Variants in DPP6 observed in about 807,000 individuals in gnomAD.
DPP6 encodes dipeptidyl peptidase like 6, also known as A-type potassium channel modulatory protein DPP6.
In DPP6, 69 loss-of-function variants were observed where a neutral mutation model predicts 122.6. The observed-to-expected ratio is 0.56, with a 90% CI of 0.46 to 0.69. The LOEUF (loss-of-function observed/expected upper bound fraction) is 0.69. DPP6 is among the 30% of genes least tolerant of loss of function. DPP6 has a pLI of 0.00. For missense variants in DPP6, 928 were observed against 1,116.9 expected (o/e 0.83, Z 2.41); for synonymous variants, 418 against 433.1 (o/e 0.97, Z 0.43).
the DPP6 span, among the ~76,000 whole-genome samples, chr7:153,755,873 T>TC: frequency 6.6e-6 from 1 of 152,154 alleles, no homozygotes; most frequent in Admixed American, 6.5e-5. Flanking sequence ...AAGCCCTCCC[T>TC]CTAAATGATT....
chr7:153,918,636 G>A (rs1380900872), intron 1 of DPP6, among the ~76,000 whole-genome samples: 1 of 139,136 alleles, frequency 7.2e-6, no homozygotes, highest in Admixed American at 7.5e-5. Flanking sequence ...CTCACTACTG[G>A]TGATATCATC....
intron 1 of DPP6, among the ~76,000 whole-genome samples, chr7:154,164,349 A>G (rs1034039043): frequency 6.6e-6 from 1 of 151,854 alleles, no homozygotes; most frequent in African/African-American, 2.4e-5. Flanking sequence ...AACAGTGCCA[A>G]AAGAGCCAGC....
At chr7:154,042,178 G>T (rs1467132762) in intron 1 of DPP6, among the ~76,000 whole-genome samples, 4 of 152,148 alleles carry the variant, frequency 2.6e-5, no homozygotes, top group African/African-American at 9.7e-5. Context: ...TCCCTCCTCT[G>T]ACCACTCTCT....
chr7:153,926,084 A>G (rs1196897470), intron 1 of DPP6, among the ~76,000 whole-genome samples: 4 of 152,112 alleles, frequency 2.6e-5, no homozygotes, highest in Non-Finnish European at 5.9e-5. Flanking sequence ...GAACTCAGAG[A>G]TCTGTTCATT....
At chr7:154,519,980 C>A (rs923199303) in intron 3 of DPP6, among the ~76,000 whole-genome samples, 3 of 152,086 alleles carry the variant, frequency 2.0e-5, no homozygotes, top group African/African-American at 7.2e-5. Flanking sequence ...AGCACAGTAA[C>A]CCTTTCAGAA....
At chr7:154,082,546 G>A (rs532570713) in intron 1 of DPP6, among the ~76,000 whole-genome samples, 15 of 151,966 alleles carry the variant, frequency 9.9e-5, no homozygotes, top group Admixed American at 6.6e-4. Flanking sequence ...AACACCCCCA[G>A]TTCCATTAAA....
the DPP6 span, among the ~76,000 whole-genome samples, chr7:153,793,823 G>C: frequency 6.6e-6 from 1 of 152,130 alleles, no homozygotes; most frequent in Admixed American, 6.5e-5. Flanking sequence ...TTGGTGCCCT[G>C]TGTCCCAGTT....
chr7:153,944,664 G>GTTTTTTTTTTTT (rs139824215), intron 1 of DPP6, among the ~76,000 whole-genome samples: 1 of 106,982 alleles, frequency 9.3e-6, no homozygotes, highest in Non-Finnish European at 1.8e-5. Context: ...TTTTGTGTGG[G>GTTTTTTTTTTTT]TTTTTTTTTT....
chr7:154,191,466 C>T (rs766515696), intron 1 of DPP6, among the ~76,000 whole-genome samples: 9 of 152,160 alleles, frequency 5.9e-5, no homozygotes, highest in African/African-American at 2.2e-4. Flanking sequence ...GCAATGTGCG[C>T]ACACAAGGCC....
intron 1 of DPP6, among the ~76,000 whole-genome samples, chr7:154,262,074 G>C (rs554940533): frequency 6.6e-6 from 1 of 152,040 alleles, no homozygotes. Context: ...TCAGTGTTTT[G>C]AAGTTAAAGC....
intron 1 of DPP6, among the ~76,000 whole-genome samples, chr7:154,062,014 A>AAGT (rs1554448899): frequency 1.1e-5 from 1 of 93,182 alleles, no homozygotes; most frequent in African/African-American, 4.3e-5. Flanking sequence ...CCCCCATCGC[A>AAGT]GGGGGGGGGA....
intron 8 of DPP6, among the ~76,000 whole-genome samples, chr7:154,758,616 C>T (rs1795309306): frequency 6.6e-6 from 1 of 152,160 alleles, no homozygotes. Flanking sequence ...AAGTGATCTG[C>T]TCTCCTCAGC....
At chr7:154,730,426 G>A (rs1842281176) in intron 8 of DPP6, among the ~76,000 whole-genome samples, 1 of 152,188 alleles carries the variant, frequency 6.6e-6, no homozygotes, top group Non-Finnish European at 1.5e-5. Context: ...TACACTTCCT[G>A]AGGACTGTGT....
chr7:154,205,832 A>G (rs1799418234), intron 1 of DPP6, among the ~76,000 whole-genome samples: 1 of 152,024 alleles, frequency 6.6e-6, no homozygotes, highest in Non-Finnish European at 1.5e-5. Context: ...TCTTACTGCC[A>G]GCCACAAAGG....
chr7:154,672,485 A>G (rs1201226927), intron 7 of DPP6, among the ~76,000 whole-genome samples: 1 of 152,230 alleles, frequency 6.6e-6, no homozygotes, highest in Non-Finnish European at 1.5e-5. Flanking sequence ...TGTGGTTTCA[A>G]ACCACTTCAG....
intron 6 of DPP6, among the ~76,000 whole-genome samples, chr7:154,662,424 CTGTAGTGTT>C (rs1837780045): frequency 8.8e-6 from 1 of 113,804 alleles, no homozygotes; most frequent in Non-Finnish European, 1.9e-5. Flanking sequence ...GGCGTATCGG[CTGTAGTGTT>C]CATATAGTCA....
At chr7:154,822,565 G>A (rs1298023341) in intron 16 of DPP6, among the ~76,000 whole-genome samples, 4 of 152,060 alleles carry the variant, frequency 2.6e-5, no homozygotes, top group African/African-American at 9.7e-5. Flanking sequence ...TGTAGCTGAC[G>A]CTGTGCCAGA....
chr7:154,253,172 A>G (rs575261744), intron 1 of DPP6, among the ~76,000 whole-genome samples: 1 of 152,336 alleles, frequency 6.6e-6, no homozygotes, highest in East Asian at 1.9e-4. Context: ...AAAAAAGGCA[A>G]CAGTCTCATA....
At chr7:153,783,118 G>A in the DPP6 span, among the ~76,000 whole-genome samples, 1 of 152,220 alleles carries the variant, frequency 6.6e-6, no homozygotes, top group Non-Finnish European at 1.5e-5. Context: ...AGTGTAAAGT[G>A]TAGTATGCAG....
Sources: allele counts gnomAD v4.1 joint callset (sites outside exome capture counted in the v4.1 genomes callset), GRCh38; gene constraint gnomAD v4.1.1; transcripts MANE v1.5; gene names NCBI Gene and HGNC (gene_info 2026-07-23, HGNC 2026-07-21).